The following GABRA2 variants were observed in gnomAD, a reference collection of about 807,000 sequenced individuals.
GABRA2 encodes the protein gamma-aminobutyric acid receptor subunit alpha-2.
GABRA2 carries 16 observed loss-of-function variants against 48.7 expected under a neutral mutation model. That is an observed-to-expected ratio of 0.33 (90% CI 0.22 to 0.50). The LOEUF is 0.50. Ranked by LOEUF, GABRA2 falls within the 20% of genes least tolerant of loss-of-function variation. GABRA2 has a pLI of 0.98. For synonymous variants in GABRA2, 185 were observed against 184.5 expected (o/e 1.00, Z -0.02); for missense variants, 275 against 535.6 (o/e 0.51, Z 4.80).
chr4:46,332,387 G>C (rs1731515322), intron 4 of GABRA2, among the ~76,000 whole-genome samples: 1 of 151,980 alleles, frequency 6.6e-6, no homozygotes, highest in Admixed American at 6.6e-5. Flanking sequence ...ACTGTAGTTA[G>C]GTAGACATGT....
intron 8 of GABRA2, among the ~76,000 whole-genome samples, chr4:46,273,597 G>A (rs1719923792): frequency 6.7e-6 from 1 of 149,698 alleles, no homozygotes; most frequent in East Asian, 2.0e-4. Flanking sequence ...ATTAAGCCAA[G>A]CACCAACTAA....
chr4:46,355,776 T>C (rs1735859338), intron 3 of GABRA2, among the ~76,000 whole-genome samples: 2 of 152,184 alleles, frequency 1.3e-5, no homozygotes, highest in African/African-American at 2.4e-5. Context: ...CTTGCTTTCA[T>C]TTATTTATAA....
At chr4:46,310,300 C>T (rs1727417232) in intron 5 of GABRA2, 45 bp from the exon 6 acceptor site, 1 of 1,422,822 alleles carries the variant, frequency 7.0e-7, no homozygotes, top group Non-Finnish European at 9.9e-7. Flanking sequence ...ATTGGTAAGT[C>T]AAGAAAAATC....
intron 1 of GABRA2, chr4:46,389,427 G>A: frequency 5.1e-6 from 5 of 984,552 alleles, no homozygotes; most frequent in African/African-American, 3.5e-5. Flanking sequence ...GGCGCGTGAG[G>A]CTCCGGCAGC....
At position 46,246,414 on chromosome 4, in the gene GABRA2, T is replaced by C. The variant is rs1713720222; in HGVS notation, c.*3894A>G. 6.6e-6 allele frequency among the ~76,000 whole-genome samples: 1 copy of C among 151,184 alleles called. No homozygotes were observed. The highest frequency in any genetic ancestry group is 6.6e-5 in the Admixed American group (1 of 15,084). ...CTTGTCTTCTCCACACTGTTACAAG[T>C]GGTTTTGGTATAGTGTCCATGTTTC... On this transcript the variant is annotated 3_prime_UTR_variant, in exon 10 of 10. Coordinates refer to ENST00000381620, the MANE Select transcript of GABRA2 (RefSeq NM_000807.4).
At chr4:46,287,726 G>C (rs550328329) in intron 8 of GABRA2, among the ~76,000 whole-genome samples, 1 of 151,078 alleles carries the variant, frequency 6.6e-6, no homozygotes, top group Non-Finnish European at 1.5e-5. Context: ...ACATGTATAC[G>C]TATGTAACTA....
intron 8 of GABRA2, among the ~76,000 whole-genome samples, chr4:46,300,317 G>A (rs971345452): frequency 6.6e-6 from 1 of 151,780 alleles, no homozygotes; most frequent in South Asian, 2.1e-4. Flanking sequence ...GTGTGCGCGC[G>A]CGTTTTGAGA....
intron 8 of GABRA2, among the ~76,000 whole-genome samples, chr4:46,298,267 T>C (rs1297125978): frequency 6.6e-6 from 1 of 152,096 alleles, no homozygotes; most frequent in Non-Finnish European, 1.5e-5. Context: ...TGTTTCCCAA[T>C]TTTACTATTC....
rs1188789739 is a variant in GABRA2, at chr4:46,303,382, A to T, written c.856+78T>A. 152 of 1,377,400 alleles carry T rather than the reference A, an allele frequency of 1.1e-4. 1 individual carries two copies. In the East Asian group the frequency reaches 3.4e-3, roughly 31 times the overall value. 85.3% of individuals were successfully genotyped at this position (1,377,400 alleles called of 1,614,324 possible). On this transcript the variant is annotated intron_variant, in intron 8 of 9. Coordinates refer to ENST00000381620, the MANE Select transcript of GABRA2 (RefSeq NM_000807.4). The stretch of plus-strand genomic sequence containing the variant: ...CCACCTACTACAAATAATTAGTTTG[A>T]GGATCAAGAGAGATAATGTTTTTGA...
At chr4:46,278,853 G>A (rs1720993780) in intron 8 of GABRA2, among the ~76,000 whole-genome samples, 1 of 151,850 alleles carries the variant, frequency 6.6e-6, no homozygotes, top group Non-Finnish European at 1.5e-5. Flanking sequence ...ATTAGACGAT[G>A]GTGAGGGAAA....
At chr4:46,356,679 A>G (rs767288877) in intron 3 of GABRA2, among the ~76,000 whole-genome samples, 20 of 152,108 alleles carry the variant, frequency 1.3e-4, no homozygotes, top group Non-Finnish European at 2.2e-4. Context: ...AGTATATTCT[A>G]TTTTCTGAGA....
At chr4:46,265,515 G>C (rs1454756007) in intron 8 of GABRA2, among the ~76,000 whole-genome samples, 3 of 127,154 alleles carry the variant, frequency 2.4e-5, no homozygotes, top group Admixed American at 2.2e-4. Flanking sequence ...TTTTCTCTAT[G>C]GTCAGAAGTG....
intron 5 of GABRA2, 123 bp from the exon 6 acceptor site, chr4:46,310,378 T>G: frequency 1.8e-6 from 1 of 566,672 alleles, no homozygotes; most frequent in Admixed American, 2.7e-5. Context: ...CTCATTCATA[T>G]TTAAATAATC....
intron 4 of GABRA2, among the ~76,000 whole-genome samples, chr4:46,317,430 G>C (rs948087777): frequency 6.6e-6 from 1 of 151,478 alleles, no homozygotes; most frequent in African/African-American, 2.4e-5. Flanking sequence ...AATATGGAAC[G>C]ATATAGACAT....
chr4:46,281,919 A>C (rs1429092550), intron 8 of GABRA2, among the ~76,000 whole-genome samples: 1 of 152,160 alleles, frequency 6.6e-6, no homozygotes, highest in East Asian at 1.9e-4. Context: ...GGAGAGGTGC[A>C]TTCCTGGAAT....
At chr4:46,257,858 A>G (rs984677212) in intron 9 of GABRA2, among the ~76,000 whole-genome samples, 18 of 151,780 alleles carry the variant, frequency 1.2e-4, no homozygotes, top group Admixed American at 9.2e-4. Context: ...TTAATGACTG[A>G]CTAGATGTTG....
intron 7 of GABRA2, among the ~76,000 whole-genome samples, chr4:46,304,068 G>C (rs914710467): frequency 6.6e-6 from 1 of 151,944 alleles, no homozygotes; most frequent in Non-Finnish European, 1.5e-5. Flanking sequence ...TTTCAAATTA[G>C]AGATGTTCAA....
chr4:46,252,562 T>A (rs1390456828), intron 9 of GABRA2, among the ~76,000 whole-genome samples: 2 of 151,442 alleles, frequency 1.3e-5, no homozygotes, highest in East Asian at 3.9e-4. Flanking sequence ...GCGCTCAAAC[T>A]TAGATGTATC....
chr4:46,287,077 T>C (rs1408924917), intron 8 of GABRA2, among the ~76,000 whole-genome samples: 1 of 152,178 alleles, frequency 6.6e-6, no homozygotes, highest in East Asian at 1.9e-4. Flanking sequence ...TTATATTTTA[T>C]GTGCTATGTT....
Sources: allele counts gnomAD v4.1 joint callset (sites outside exome capture counted in the v4.1 genomes callset), GRCh38; gene constraint gnomAD v4.1.1; transcripts MANE v1.5; gene names NCBI Gene and HGNC (gene_info 2026-07-23, HGNC 2026-07-21).